The following IFI16 variants were observed in gnomAD, a reference collection of about 807,000 sequenced individuals.
The protein encoded by IFI16 is interferon gamma inducible protein 16, also known as gamma-interferon-inducible protein 16.
IFI16 carries 49 observed loss-of-function variants against 68.4 expected under a neutral mutation model. That is an observed-to-expected ratio of 0.72 (90% CI 0.57 to 0.91). The LOEUF (loss-of-function observed/expected upper bound fraction) is 0.91, where lower values mean the gene tolerates loss of function less well. Among genes scored for constraint, IFI16 ranks in the 40% least tolerant of loss-of-function variants. IFI16 has a pLI of 0.00. For synonymous variants in IFI16, 307 were observed against 315.0 expected, an observed-to-expected ratio of 0.97 and a Z score of 0.27; for missense variants, 878 against 942.9, an observed-to-expected ratio of 0.93 and a Z score of 0.90.
chr1:159,019,222 AAATCAGGT>A (rs939753106), intron 5 of IFI16, among the ~76,000 whole-genome samples: 1 of 151,582 alleles, frequency 6.6e-6, no homozygotes, highest in Non-Finnish European at 1.5e-5. Flanking sequence ...GATACTTGGA[AAATCAGGT>A]AATCTAAATT....
At chr1:159,034,364 G>T (rs1654189460) in intron 7 of IFI16, among the ~76,000 whole-genome samples, 1 of 152,174 alleles carries the variant, frequency 6.6e-6, no homozygotes, top group Non-Finnish European at 1.5e-5. Flanking sequence ...ATGCGTTCAT[G>T]AAGTGCTTCC....
At chr1:159,011,793 CAA>C (rs1214446530) in intron 1 of IFI16, among the ~76,000 whole-genome samples, 3 of 152,018 alleles carry the variant, frequency 2.0e-5, no homozygotes, top group African/African-American at 7.2e-5. Flanking sequence ...CTTTTGTTAA[CAA>C]TATATATGTA....
chr1:159,043,349 G>A (rs1212604363), intron 7 of IFI16, among the ~76,000 whole-genome samples: 1 of 152,268 alleles, frequency 6.6e-6, no homozygotes, highest in African/African-American at 2.4e-5. Flanking sequence ...TGGCTTGGAA[G>A]TGACACTTTC....
At chr1:159,019,070 TG>T (rs1653125052) in intron 5 of IFI16, among the ~76,000 whole-genome samples, 1 of 152,214 alleles carries the variant, frequency 6.6e-6, no homozygotes, top group Non-Finnish European at 1.5e-5. Flanking sequence ...GCTTGAGTTC[TG>T]GTTGTGACAG....
chr1:159,012,204 T>C (rs1474611116), intron 1 of IFI16, among the ~76,000 whole-genome samples: 1 of 152,198 alleles, frequency 6.6e-6, no homozygotes, highest in Non-Finnish European at 1.5e-5. Flanking sequence ...TATCACAAAA[T>C]AGTTTTTGAG....
chr1:159,026,498 C>T (rs1454204001), intron 6 of IFI16, among the ~76,000 whole-genome samples: 11 of 151,972 alleles, frequency 7.2e-5, no homozygotes, highest in Admixed American at 6.6e-5. Context: ...GGGGTTTCAC[C>T]GTGCTGGCCA....
chr1:159,053,431 A>T, intron 10 of IFI16, 102 bp from the exon 11 acceptor site: 2 of 750,490 alleles, frequency 2.7e-6, no homozygotes, highest in Non-Finnish European at 4.5e-6. Flanking sequence ...AGCTCTGTTT[A>T]CTCTATCAAA....
At chr1:159,047,351 T>A (rs1655057273) in intron 8 of IFI16, among the ~76,000 whole-genome samples, 1 of 149,576 alleles carries the variant, frequency 6.7e-6, no homozygotes, top group African/African-American at 2.4e-5. Context: ...CAGAACTAGC[T>A]GCTTGTAACT....
rs762810896 is a variant in IFI16, at chr1:159,032,512, G to T, written c.1162-12G>T. Reference sequence around the variant, plus strand: ...TATTGAAAACCATTAAACAGAAAATGAATACTTTCAGATAAAGAAAAAAAC... The same window carrying T: ...TATTGAAAACCATTAAACAGAAAATTAATACTTTCAGATAAAGAAAAAAAC... On this transcript the variant is annotated splice_polypyrimidine_tract_variant and intron_variant, in intron 6 of 11. Coordinates refer to ENST00000295809, the MANE Select transcript of IFI16 (RefSeq NM_001376587.1). 3.0e-5 allele frequency: 47 copies of T among 1,542,346 alleles called. No homozygotes were observed. Among genetic ancestry groups the T allele is most frequent in the Non-Finnish European group, 2.9e-5 (33 of 1,143,638 alleles).
At chr1:159,014,597 G>A in intron 1 of IFI16, 64 bp from the exon 2 acceptor site, 1 of 1,086,252 alleles carries the variant, frequency 9.2e-7, no homozygotes, top group Non-Finnish European at 1.3e-6. Context: ...CACTCACATA[G>A]GCATACATCT....
chr1:159,015,034 G>A, intron 2 of IFI16, 89 bp downstream of exon 2: 1 of 1,273,890 alleles, frequency 7.8e-7, no homozygotes, highest in Non-Finnish European at 1.1e-6. Context: ...ACATACTTGA[G>A]ATGTGTTTTC....
chr1:159,005,873 G>C, upstream of IFI16: 1 of 152,220 alleles, frequency 6.6e-6, no homozygotes. Flanking sequence ...AATAGATTAA[G>C]AGAGCAACCA....
intron 6 of IFI16, among the ~76,000 whole-genome samples, chr1:159,027,925 C>T (rs939413768): frequency 6.6e-6 from 1 of 152,036 alleles, no homozygotes; most frequent in Admixed American, 6.5e-5. Flanking sequence ...ATTTCACTAA[C>T]GGTCTATGAG....
At chr1:159,016,774 A>G in intron 4 of IFI16, 74 bp downstream of exon 4, 1 of 1,319,088 alleles carries the variant, frequency 7.6e-7, no homozygotes, top group South Asian at 1.3e-5. Context: ...CCGGTTACTT[A>G]AAAATTGCAT....
rs572393223 is a variant in IFI16 at position 159,039,826 on chromosome 1, C to G, written c.1330-5471C>G. On this transcript the variant is annotated intron_variant, in intron 7 of 11. Transcript: ENST00000295809. ...AGGAGTGAGCCATCCTCAGACTTCA[C>G]AGAAAATTACATAAACCCCATCCAG... Among the ~76,000 whole-genome samples, 28 of 152,320 alleles carry G rather than the reference C, an allele frequency of 1.8e-4. 1 individual carries two copies. The South Asian group carries it at 5.8e-3, about 32-fold the overall frequency.
intron 5 of IFI16, 79 bp from the exon 6 acceptor site, chr1:159,020,262 C>T: frequency 9.8e-7 from 1 of 1,023,188 alleles, no homozygotes; most frequent in Non-Finnish European, 1.5e-6. Context: ...TTGTTTAACT[C>T]TCTTAGAAGG....
chr1:159,049,413 A>G lies in IFI16; in HGVS notation c.1498-19A>G. The G allele has an allele frequency of 8.6e-7, 1 of 1,168,968 alleles. No individual in the cohort carries two copies. The highest frequency in any genetic ancestry group is 1.5e-5 in the South Asian group (1 of 67,958). The allele number at this position is 1,168,968 out of a possible 1,614,324, so 72.4% of individuals were successfully genotyped here. Reference sequence around the variant, plus strand: ...AAACATTAACTAGAAAAAAAGAACAAACATCTATTTTCCTTTAGAAAAGTG... The same window carrying G: ...AAACATTAACTAGAAAAAAAGAACAGACATCTATTTTCCTTTAGAAAAGTG... On this transcript the variant is annotated intron_variant, in intron 8 of 11. Coordinates refer to ENST00000295809, the MANE Select transcript of IFI16 (RefSeq NM_001376587.1).
chr1:159,030,580 G>T (rs1421354556), intron 6 of IFI16, among the ~76,000 whole-genome samples: 1 of 152,144 alleles, frequency 6.6e-6, no homozygotes, highest in Admixed American at 6.5e-5. Flanking sequence ...CAGAGCTACT[G>T]TGCTCCAGGC....
chr1:159,034,773 A>G (rs567668996), intron 7 of IFI16, among the ~76,000 whole-genome samples: 4 of 152,216 alleles, frequency 2.6e-5, no homozygotes, highest in East Asian at 3.9e-4. Context: ...ATTTTTCCTA[A>G]TAGCATTTAA....
Sources: gnomAD v4.1 joint callset for allele counts (sites outside exome capture counted in the v4.1 genomes callset) on GRCh38, gnomAD v4.1.1 for gene constraint, MANE v1.5 for transcripts, NCBI Gene and HGNC (gene_info 2026-07-23, HGNC 2026-07-21) for gene names.